The following FER variants were observed in gnomAD, a reference collection of about 807,000 sequenced individuals.
The protein encoded by FER is tyrosine-protein kinase Fer.
A neutral mutation model predicts 111.0 loss-of-function variants in FER; 63 were observed. The ratio of observed to expected loss-of-function variants is 0.57; its 90% CI spans 0.46 to 0.70. The LOEUF (loss-of-function observed/expected upper bound fraction) is 0.70. Ranked by LOEUF, FER falls within the 30% of genes least tolerant of loss-of-function variation. The probability of loss-of-function intolerance (pLI) is 0.00; values close to 1 mark genes in which losing one functional copy is unlikely to be tolerated. For missense variants in FER, 914 were observed against 954.0 expected (o/e 0.96, Z 0.55); for synonymous variants, 327 against 313.9 (o/e 1.04, Z -0.44).
At chr5:109,062,400 C>T (rs1460851251) in intron 16 of FER, among the ~76,000 whole-genome samples, 2 of 152,052 alleles carry the variant, frequency 1.3e-5, no homozygotes, top group African/African-American at 4.8e-5. Context: ...GTGGTGTACA[C>T]CTGTAATCTC....
At chr5:109,114,942 C>T (rs769199457) in intron 17 of FER, among the ~76,000 whole-genome samples, 16 of 151,946 alleles carry the variant, frequency 1.1e-4, no homozygotes, top group Non-Finnish European at 1.8e-4. Context: ...GTTAGCCATT[C>T]GAGTATATAG....
intron 5 of FER, among the ~76,000 whole-genome samples, chr5:108,845,009 T>C (rs1417129240): frequency 6.3e-4 from 21 of 33,116 alleles, no homozygotes; most frequent in Middle Eastern, 0.015. Context: ...TATATATATA[T>C]ATATATATAT....
At chr5:109,015,974 T>A (rs144125505) in intron 13 of FER, among the ~76,000 whole-genome samples, 2 of 152,096 alleles carry the variant, frequency 1.3e-5, no homozygotes, top group African/African-American at 4.8e-5. Context: ...TGGGGGTGAT[T>A]ATTTGCATTT....
At chr5:109,068,408 T>G (rs1188068513) in intron 16 of FER, among the ~76,000 whole-genome samples, 2 of 152,116 alleles carry the variant, frequency 1.3e-5, no homozygotes, top group African/African-American at 4.8e-5. Context: ...GGTATCGAAC[T>G]CCTGACCTTG....
intron 13 of FER, among the ~76,000 whole-genome samples, chr5:108,985,840 A>G (rs1355532502): frequency 6.6e-6 from 1 of 152,146 alleles, no homozygotes; most frequent in Non-Finnish European, 1.5e-5. Flanking sequence ...TCATTGATTG[A>G]TGGGCATTTG....
In FER at chr5:109,196,046, T is replaced by G. The variant is rs1759724121; in HGVS notation, c.*8471T>G. 1 of 152,142 alleles carries G rather than the reference T, an allele frequency of 6.6e-6. No individual in the cohort carries two copies. The highest frequency in any genetic ancestry group is 1.5e-5 in the Non-Finnish European group (1 of 68,030). 9.4% of individuals were successfully genotyped at this position (152,142 alleles called of 1,614,324 possible). On this transcript the variant is annotated 3_prime_UTR_variant, in exon 20 of 20. Transcript: ENST00000281092. ...ATAGAACCATATGGGAAAGCCCAGA[T>G]GAAAAAATGGAAGAATAAAATCAAG...
intron 9 of FER, among the ~76,000 whole-genome samples, chr5:108,889,462 T>A (rs963348514): frequency 2.0e-5 from 3 of 151,926 alleles, no homozygotes; most frequent in Non-Finnish European, 2.9e-5. Flanking sequence ...AGACAAACTT[T>A]GCATGTTCTT....
At chr5:108,928,565 A>G (rs1754111820) in intron 10 of FER, among the ~76,000 whole-genome samples, 1 of 152,108 alleles carries the variant, frequency 6.6e-6, no homozygotes, top group Non-Finnish European at 1.5e-5. Flanking sequence ...AGGTAATTGT[A>G]TTTCACATTG....
At chr5:109,123,316 C>T (rs964289809) in intron 17 of FER, among the ~76,000 whole-genome samples, 2 of 151,882 alleles carry the variant, frequency 1.3e-5, no homozygotes, top group Admixed American at 6.6e-5. Context: ...CCACCGTGCC[C>T]AGCTAATTTT....
chr5:108,906,791 T>C (rs1278080019), intron 10 of FER, among the ~76,000 whole-genome samples: 2 of 152,122 alleles, frequency 1.3e-5, no homozygotes, highest in South Asian at 4.1e-4. Flanking sequence ...TTTGCTGTTA[T>C]GGAAAATAAC....
At chr5:108,959,168 G>A (rs1758824265) in intron 12 of FER, 57 bp from the exon 13 acceptor site, 4 of 1,549,768 alleles carry the variant, frequency 2.6e-6, no homozygotes, top group African/African-American at 2.8e-5. Flanking sequence ...ATCAATGAAT[G>A]TAGATTTTCT....
intron 3 of FER, among the ~76,000 whole-genome samples, chr5:108,805,836 G>A (rs1757148990): frequency 6.6e-6 from 1 of 152,204 alleles, no homozygotes; most frequent in African/African-American, 2.4e-5. Flanking sequence ...TTTCATAAAG[G>A]AAGCAGAGCA....
chr5:108,859,382 C>A (rs1294517018), intron 5 of FER, among the ~76,000 whole-genome samples: 1 of 152,094 alleles, frequency 6.6e-6, no homozygotes, highest in Non-Finnish European at 1.5e-5. Flanking sequence ...CTCCAACCAA[C>A]CCACCCAACA....
At chr5:108,831,837 A>C (rs1329655775) in intron 3 of FER, among the ~76,000 whole-genome samples, 2 of 152,212 alleles carry the variant, frequency 1.3e-5, no homozygotes, top group African/African-American at 2.4e-5. Flanking sequence ...AGAGTAGAAA[A>C]TTATTCTTGT....
chr5:108,780,816 G>A (rs1461133426), intron 2 of FER, among the ~76,000 whole-genome samples: 1 of 145,008 alleles, frequency 6.9e-6, no homozygotes, highest in African/African-American at 2.5e-5. Context: ...ATTCTGCTCT[G>A]TATTTTTTCA....
At chr5:108,991,132 A>C (rs936938616) in intron 13 of FER, among the ~76,000 whole-genome samples, 1 of 151,782 alleles carries the variant, frequency 6.6e-6, no homozygotes, top group African/African-American at 2.4e-5. Flanking sequence ...AAAATTATTA[A>C]GTATAAAGGA....
intron 13 of FER, among the ~76,000 whole-genome samples, chr5:108,985,121 A>G (rs1467968285): frequency 6.6e-6 from 1 of 152,166 alleles, no homozygotes; most frequent in African/African-American, 2.4e-5. Context: ...AACATACTAC[A>G]AATTCAGGGT....
chr5:109,036,169 A>G (rs1286747583), intron 13 of FER, among the ~76,000 whole-genome samples: 2 of 151,950 alleles, frequency 1.3e-5, no homozygotes, highest in South Asian at 2.1e-4. Flanking sequence ...TCCAATTTTC[A>G]TTTCTTTTTT....
intron 13 of FER, among the ~76,000 whole-genome samples, chr5:109,034,571 A>G (rs1770101628): frequency 1.3e-5 from 2 of 152,036 alleles, no homozygotes; most frequent in African/African-American, 2.4e-5. Flanking sequence ...AATCCTTGAC[A>G]TGGCTTCTTT....
Sources: allele counts gnomAD v4.1 joint callset (sites outside exome capture counted in the v4.1 genomes callset), GRCh38; gene constraint gnomAD v4.1.1; transcripts MANE v1.5; gene names NCBI Gene and HGNC (gene_info 2026-07-23, HGNC 2026-07-21).